EPG5: variants seen among roughly 807,000 people sequenced by gnomAD.
EPG5 encodes ectopic P-granules 5 autophagy tethering factor.
Under a neutral mutation model 302.7 loss-of-function variants are expected in EPG5, and 159 were observed. That is an observed-to-expected ratio of 0.53 (90% CI 0.46 to 0.60). EPG5 has a LOEUF of 0.60. Ranked by LOEUF, EPG5 falls within the 20% of genes least tolerant of loss-of-function variation. The probability of loss-of-function intolerance (pLI) is 0.00; values close to 1 mark genes in which losing one functional copy is unlikely to be tolerated. For missense variants in EPG5, 2,896 were observed against 3,092.4 expected (o/e 0.94, Z 1.51); for synonymous variants, 1,158 against 1,136.8 (o/e 1.02, Z -0.37).
chr18:45,866,843 T>G lies in EPG5; in HGVS notation c.6576A>C (p.Lys2192Asn). ...SYAELIMKLL[K>N]VSAGLSIPTD... ...TAGGAATAGAAAGGCCCGCAGACAC[T>G]TTTAGGAGCTTCATGATTAATTCAG... Residue 2192 changes from lysine to asparagine, a missense_variant, in exon 38 of 44, where the codon AAA becomes AAC. Physicochemically the swap from Lys to Asn is moderately conservative, Grantham distance 94. This residue lies in a region of EPG5 where 620 missense variants were observed against 704.2 expected (regional missense o/e 0.88). Coordinates refer to ENST00000282041, the MANE Select transcript of EPG5 (RefSeq NM_020964.3). 6.2e-7 allele frequency: 1 copy of G among 1,614,164 alleles called. No individual in the cohort carries two copies. Among genetic ancestry groups the G allele is most frequent in the South Asian group, 1.1e-5 (1 of 91,084 alleles).
chr18:45,931,207 C>CT (rs2050388559), intron 11 of EPG5, among the ~76,000 whole-genome samples: 1 of 152,216 alleles, frequency 6.6e-6, no homozygotes, highest in Non-Finnish European at 1.5e-5. Flanking sequence ...CAAAGGCACA[C>CT]TTGAAGCTAC....
At chr18:45,819,915 T>A in the EPG5 span, among the ~76,000 whole-genome samples, 1 of 152,190 alleles carries the variant, frequency 6.6e-6, no homozygotes. Context: ...TCACCCCTTT[T>A]TATATCACTC....
intron 21 of EPG5, 145 bp from the exon 22 acceptor site, chr18:45,912,601 C>A: frequency 1.2e-6 from 1 of 831,524 alleles, no homozygotes. Flanking sequence ...AAACTCACTT[C>A]TCCAATCCAC....
chr18:45,825,492 G>A, the EPG5 span: 1 of 561,868 alleles, frequency 1.8e-6, no homozygotes, highest in Admixed American at 3.0e-5. Context: ...TCATCCCAGT[G>A]ATTCCCCTCT....
At position 45,882,441 on chromosome 18, in the gene EPG5, TCAGA is replaced by T; in HGVS notation, c.5347_5350del (p.Ser1783IlefsTer25). The T allele has an allele frequency of 6.2e-7, 1 of 1,614,162 alleles. No homozygotes were observed. Among genetic ancestry groups the T allele is most frequent in the African/African-American group, 1.3e-5 (1 of 75,054 alleles). On this transcript the variant is annotated frameshift_variant, in exon 31 of 44. Coordinates refer to ENST00000282041, the MANE Select transcript of EPG5 (RefSeq NM_020964.3). LOFTEE classifies it high-confidence loss of function. ...AATGGACTCCAGAAGCCTGGTACGA[TCAGA>T]CAGAGGAGGTTTAGTGGCGCTTAAC...
At chr18:45,910,300 A>G (rs1426567739) in intron 23 of EPG5, among the ~76,000 whole-genome samples, 1 of 152,214 alleles carries the variant, frequency 6.6e-6, no homozygotes, top group Non-Finnish European at 1.5e-5. Context: ...CGCTCAGACT[A>G]CAGGCACTCG....
chr18:45,846,467 GC>G, downstream of EPG5, among the ~76,000 whole-genome samples: 1 of 146,900 alleles, frequency 6.8e-6, no homozygotes, highest in Non-Finnish European at 1.5e-5. Context: ...GTTGCAGTGG[GC>G]CGAGATCGCG....
At position 45,966,069 on chromosome 18, in the gene EPG5, A is replaced by G. The variant is rs537552795; in HGVS notation, c.63+1108T>C. 2.7e-5 allele frequency among the ~76,000 whole-genome samples: 4 copies of G among 147,176 alleles called. No homozygotes were observed. In the South Asian group the frequency reaches 8.6e-4, roughly 32 times the overall value. ...GAGCGAGACTCCATATCAAAACAAA[A>G]ACAAAAACAAAACAAAACATAGGCT... On this transcript the variant is annotated intron_variant, in intron 1 of 43. Transcript: ENST00000282041.
rs766396310 is a variant in EPG5 at position 45,867,663 on chromosome 18, G to C, written c.6311C>G (p.Ala2104Gly). The change falls in exon 37 of 44, where the codon GCC becomes GGC. Residue 2104 changes from alanine (A) to glycine (G), a missense_variant. By Grantham distance (60) the Ala-to-Gly change is moderately conservative. Around this residue, in one of 5 missense-constraint regions of EPG5, gnomAD observed 620 missense variants for 704.2 expected, o/e 0.88. Coordinates refer to ENST00000282041, the MANE Select transcript of EPG5 (RefSeq NM_020964.3). ...TTCTGGGTGGGGACTGGAATTCCAG[G>C]CATCAGAGAGCACACTAACCCAGTT... ...EVNWVSVLSD[A>G]WNSSPHPETR... The C allele has an allele frequency of 3.3e-5, 54 of 1,613,832 alleles. 1 individual carries two copies. In the South Asian group the frequency reaches 5.8e-4, roughly 17 times the overall value.
downstream of EPG5, among the ~76,000 whole-genome samples, chr18:45,846,101 C>G (rs553613740): frequency 1.3e-5 from 2 of 152,258 alleles, no homozygotes; most frequent in South Asian, 4.1e-4. Context: ...GGCTGGAAGG[C>G]TCTTTAGACA....
At chr18:45,813,158 T>A in the EPG5 span, among the ~76,000 whole-genome samples, 1 of 152,076 alleles carries the variant, frequency 6.6e-6, no homozygotes, top group Non-Finnish European at 1.5e-5. Context: ...TAAAGACACA[T>A]GAAAAAATGC....
chr18:45,880,361 G>T, intron 31 of EPG5, 138 bp from the exon 32 acceptor site: 1 of 804,862 alleles, frequency 1.2e-6, no homozygotes, highest in Non-Finnish European at 1.8e-6. Context: ...GATATCTGGG[G>T]TGAGGAGGCC....
At chr18:45,805,584 T>A in the EPG5 span, among the ~76,000 whole-genome samples, 1 of 152,024 alleles carries the variant, frequency 6.6e-6, no homozygotes, top group South Asian at 2.1e-4. Context: ...ATAGCAGAGC[T>A]TGTTGTAATG....
chr18:45,826,612 C>G, the EPG5 span, among the ~76,000 whole-genome samples: 1 of 152,164 alleles, frequency 6.6e-6, no homozygotes, highest in Non-Finnish European at 1.5e-5. Flanking sequence ...TTACCCCATC[C>G]CCATCCTAGG....
At chr18:45,943,542 C>T (rs1313241681) in intron 8 of EPG5, among the ~76,000 whole-genome samples, 1 of 152,094 alleles carries the variant, frequency 6.6e-6, no homozygotes, top group Admixed American at 6.6e-5. Flanking sequence ...AGCTTTCTCA[C>T]ATTTAAGCAC....
intron 27 of EPG5, among the ~76,000 whole-genome samples, chr18:45,893,596 T>A (rs773430484): frequency 2.4e-4 from 36 of 150,256 alleles, no homozygotes; most frequent in Non-Finnish European, 4.4e-4. Context: ...GCAAAGCACC[T>A]AGCATAATAC....
At chr18:45,949,375 A>G (rs2050853794) in intron 5 of EPG5, 109 bp downstream of exon 5, 1 of 619,426 alleles carries the variant, frequency 1.6e-6, no homozygotes, top group Non-Finnish European at 2.8e-6. Context: ...TTTATTTTAA[A>G]TATTACTCTT....
At chr18:45,935,084 T>A (rs2050489274) in intron 10 of EPG5, 118 bp from the exon 11 acceptor site, 3 of 1,078,924 alleles carry the variant, frequency 2.8e-6, no homozygotes, top group Non-Finnish European at 4.0e-6. Context: ...ATTTTTCTAA[T>A]ATGCTTTAGT....
At chr18:45,941,393 G>A (rs1038756430) in intron 9 of EPG5, among the ~76,000 whole-genome samples, 1 of 152,220 alleles carries the variant, frequency 6.6e-6, no homozygotes, top group Admixed American at 6.5e-5. Flanking sequence ...TTCATCTGTA[G>A]GAGCTGTTTG....
Sources: gnomAD v4.1 joint callset for allele counts (sites outside exome capture counted in the v4.1 genomes callset) on GRCh38, gnomAD v4.1.1 for gene constraint, gnomAD v4.1.1 regional missense constraint, MANE v1.5 for transcripts, NCBI Gene and HGNC (gene_info 2026-07-23, HGNC 2026-07-21) for gene names.